Variants in SPAG16 observed in about 807,000 individuals in gnomAD.
SPAG16 encodes the protein sperm associated antigen 16, also known as sperm-associated antigen 16 protein.
A neutral mutation model predicts 80.4 loss-of-function variants in SPAG16; 86 were observed. The observed-to-expected ratio is 1.07, with a 90% CI of 0.90 to 1.28. The LOEUF (loss-of-function observed/expected upper bound fraction) is 1.28. Ranked by LOEUF, SPAG16 falls within the 50% of genes most tolerant of loss-of-function variation. The probability of loss-of-function intolerance (pLI) is 0.00; values close to 1 mark genes in which losing one functional copy is unlikely to be tolerated. For synonymous variants in SPAG16, 294 were observed against 265.9 expected (o/e 1.11, Z -1.03); for missense variants, 870 against 765.3 (o/e 1.14, Z -1.61).
intron 15 of SPAG16, among the ~76,000 whole-genome samples, chr2:214,380,775 T>G (rs530478316): frequency 6.6e-6 from 1 of 152,354 alleles, no homozygotes; most frequent in South Asian, 2.1e-4. Context: ...AGCAGCAGTA[T>G]GCTGAACATG....
chr2:213,591,471 A>T (rs977356197), intron 10 of SPAG16, among the ~76,000 whole-genome samples: 1 of 152,232 alleles, frequency 6.6e-6, no homozygotes, highest in South Asian at 2.1e-4. Context: ...GTAAAATTCC[A>T]ATATGTATTA....
At chr2:213,926,218 C>T (rs1447249823) in intron 11 of SPAG16, among the ~76,000 whole-genome samples, 1 of 152,062 alleles carries the variant, frequency 6.6e-6, no homozygotes, top group African/African-American at 2.4e-5. Context: ...ATAATTTTTT[C>T]AAATATGTAC....
At chr2:213,731,019 A>C (rs2067007431) in intron 10 of SPAG16, among the ~76,000 whole-genome samples, 1 of 151,558 alleles carries the variant, frequency 6.6e-6, no homozygotes, top group East Asian at 1.9e-4. Context: ...GGTTTCTTAG[A>C]GTTTTCATCT....
At chr2:214,221,182 C>T (rs1361797258) in intron 15 of SPAG16, among the ~76,000 whole-genome samples, 1 of 152,036 alleles carries the variant, frequency 6.6e-6, no homozygotes, top group Non-Finnish European at 1.5e-5. Context: ...ATTTTATTGC[C>T]TCTCCTACTA....
At chr2:214,218,093 TAAAG>T (rs1037771706) in intron 15 of SPAG16, among the ~76,000 whole-genome samples, 1 of 152,130 alleles carries the variant, frequency 6.6e-6, no homozygotes, top group Admixed American at 6.5e-5. Flanking sequence ...AAACAACAAA[TAAAG>T]AGAGAATGAT....
chr2:214,120,995 T>C (rs2054193918), intron 14 of SPAG16, among the ~76,000 whole-genome samples: 1 of 151,836 alleles, frequency 6.6e-6, no homozygotes, highest in Non-Finnish European at 1.5e-5. Context: ...GTCATCTTAA[T>C]AAATATTATT....
At chr2:213,511,882 C>T (rs1479533493) in intron 10 of SPAG16, among the ~76,000 whole-genome samples, 6 of 151,720 alleles carry the variant, frequency 4.0e-5, no homozygotes, top group Non-Finnish European at 2.9e-5. Flanking sequence ...TATTTTTTTT[C>T]AAAATCTCAT....
intron 15 of SPAG16, among the ~76,000 whole-genome samples, chr2:214,279,826 T>C (rs1214135377): frequency 6.6e-6 from 1 of 152,194 alleles, no homozygotes; most frequent in Admixed American, 6.5e-5. Context: ...TGTATTTCTC[T>C]AACTAAAACA....
At chr2:213,894,542 A>C (rs1205302919) in intron 11 of SPAG16, among the ~76,000 whole-genome samples, 1 of 152,166 alleles carries the variant, frequency 6.6e-6, no homozygotes, top group African/African-American at 2.4e-5. Flanking sequence ...AAAGACAAGG[A>C]TGCCCACTTA....
intron 15 of SPAG16, among the ~76,000 whole-genome samples, chr2:214,290,919 C>A (rs1202386243): frequency 6.6e-6 from 1 of 150,742 alleles, no homozygotes; most frequent in Admixed American, 6.6e-5. Context: ...AAGTTTAAAT[C>A]TACTGTTTCT....
At chr2:213,476,069 A>T (rs1278462125) in intron 9 of SPAG16, among the ~76,000 whole-genome samples, 1 of 152,226 alleles carries the variant, frequency 6.6e-6, no homozygotes, top group Admixed American at 6.5e-5. Context: ...CTAAGAATAG[A>T]CAGAAACAAC....
intron 15 of SPAG16, among the ~76,000 whole-genome samples, chr2:214,374,428 T>C (rs950290917): frequency 6.6e-6 from 1 of 152,216 alleles, no homozygotes; most frequent in Admixed American, 6.5e-5. Flanking sequence ...CTTATGAACA[T>C]GAACCTCTCG....
chr2:213,511,112 A>T (rs2075208343), intron 10 of SPAG16, among the ~76,000 whole-genome samples: 1 of 152,106 alleles, frequency 6.6e-6, no homozygotes, highest in Non-Finnish European at 1.5e-5. Flanking sequence ...AAAGTTCTTG[A>T]CTTATTTTTA....
chr2:214,285,556 C>A (rs1693290905), intron 15 of SPAG16, among the ~76,000 whole-genome samples: 1 of 152,122 alleles, frequency 6.6e-6, no homozygotes, highest in African/African-American at 2.4e-5. Context: ...CACCTGTAAT[C>A]CTAGCACATT....
intron 13 of SPAG16, among the ~76,000 whole-genome samples, chr2:214,101,841 A>G (rs2053055693): frequency 6.6e-6 from 1 of 152,218 alleles, no homozygotes; most frequent in Admixed American, 6.5e-5. Flanking sequence ...AACATTTAGC[A>G]TAATGCTTTA....
intron 10 of SPAG16, among the ~76,000 whole-genome samples, chr2:213,788,212 TAA>T (rs1017083675): frequency 1.3e-4 from 19 of 151,884 alleles, no homozygotes; most frequent in Non-Finnish European, 2.7e-4. Flanking sequence ...AACTAAAAAT[TAA>T]GAGTTAAATA....
intron 11 of SPAG16, among the ~76,000 whole-genome samples, chr2:213,904,494 A>T (rs2077352501): frequency 6.6e-6 from 1 of 150,410 alleles, no homozygotes; most frequent in African/African-American, 2.5e-5. Flanking sequence ...ATTATCTCCC[A>T]CTTGGTCCCT....
intron 12 of SPAG16, among the ~76,000 whole-genome samples, chr2:213,954,671 A>G (rs1047519920): frequency 1.3e-5 from 2 of 152,124 alleles, no homozygotes; most frequent in African/African-American, 4.8e-5. Flanking sequence ...TTGGGTATAT[A>G]ACTAGGAGCT....
At chr2:213,435,940 C>G (rs796321981) in intron 9 of SPAG16, among the ~76,000 whole-genome samples, 23 of 152,276 alleles carry the variant, frequency 1.5e-4, no homozygotes, top group African/African-American at 5.5e-4. Flanking sequence ...GGAACTAGTT[C>G]ATGTTTCATT....
Sources: allele counts gnomAD v4.1 joint callset (sites outside exome capture counted in the v4.1 genomes callset), GRCh38; gene constraint gnomAD v4.1.1; transcripts MANE v1.5; gene names NCBI Gene and HGNC (gene_info 2026-07-23, HGNC 2026-07-21).